Variants in CDH12 observed in about 807,000 individuals in gnomAD.
CDH12 encodes cadherin 12.
CDH12 carries 41 observed loss-of-function variants against 74.1 expected under a neutral mutation model. The ratio of observed to expected loss-of-function variants is 0.55; its 90% CI spans 0.43 to 0.72. CDH12 has a LOEUF of 0.72. CDH12 is among the 30% of genes least tolerant of loss of function. The pLI is 0.00. For missense variants in CDH12, 945 were observed against 977.2 expected (o/e 0.97, Z 0.44); for synonymous variants, 399 against 355.0 (o/e 1.12, Z -1.39).
chr5:21,861,192 AC>A (rs1269058473), intron 6 of CDH12, among the ~76,000 whole-genome samples: 1 of 151,234 alleles, frequency 6.6e-6, no homozygotes, highest in African/African-American at 2.4e-5. Flanking sequence ...GGGTTTAACT[AC>A]CCTTTCTACA....
chr5:22,268,411 G>A (rs1411022447), intron 3 of CDH12, among the ~76,000 whole-genome samples: 1 of 151,864 alleles, frequency 6.6e-6, no homozygotes, highest in Non-Finnish European at 1.5e-5. Flanking sequence ...TTTAACTCTG[G>A]TTAATAAACC....
intron 4 of CDH12, among the ~76,000 whole-genome samples, chr5:22,124,695 T>G (rs1000778668): frequency 4.6e-5 from 7 of 152,264 alleles, no homozygotes; most frequent in African/African-American, 1.7e-4. Flanking sequence ...TCCCATACTC[T>G]ATTAATCTTC....
chr5:22,457,183 G>C (rs1028995292), intron 2 of CDH12, among the ~76,000 whole-genome samples: 14 of 151,990 alleles, frequency 9.2e-5, no homozygotes, highest in Non-Finnish European at 1.5e-5. Context: ...CATTCCAAAG[G>C]TTTCATGACT....
intron 4 of CDH12, among the ~76,000 whole-genome samples, chr5:22,210,708 G>A (rs1203339198): frequency 2.0e-5 from 3 of 151,928 alleles, no homozygotes; most frequent in East Asian, 2.0e-4. Context: ...CATTGGGTCT[G>A]ATGCCACCAT....
chr5:22,176,915 C>T (rs1304773856), intron 4 of CDH12, among the ~76,000 whole-genome samples: 1 of 152,082 alleles, frequency 6.6e-6, no homozygotes, highest in East Asian at 1.9e-4. Flanking sequence ...TATCTTCATG[C>T]TTTGCCTCTT....
chr5:22,393,388 C>T (rs543749531), intron 3 of CDH12, among the ~76,000 whole-genome samples: 9 of 152,166 alleles, frequency 5.9e-5, no homozygotes, highest in East Asian at 1.9e-4. Flanking sequence ...GCTGACACTT[C>T]GATTTAAGAC....
At chr5:22,589,382 T>A (rs1331475938) in intron 1 of CDH12, among the ~76,000 whole-genome samples, 2 of 152,124 alleles carry the variant, frequency 1.3e-5, no homozygotes, top group Non-Finnish European at 2.9e-5. Flanking sequence ...AGCATAAAAA[T>A]CAATGTTTGA....
Position 22,427,567 on chromosome 5 carries a change from C to T in CDH12, c.-427-22216G>A, listed in dbSNP as rs1394009089. ...TTGCTTTCCTTTTTCTTTGTCTTTA[C>T]TCTATTTCTATAGTAAGTTCCTGCA... On this transcript the variant is annotated intron_variant, in intron 2 of 14. Transcript: ENST00000382254. Among the ~76,000 whole-genome samples, 3 of 152,150 alleles carry T rather than the reference C, an allele frequency of 2.0e-5. No individual in the cohort carries two copies. The East Asian group carries it at 5.8e-4, about 29-fold the overall frequency.
chr5:22,454,208 T>C (rs1745176473), intron 2 of CDH12, among the ~76,000 whole-genome samples: 4 of 152,232 alleles, frequency 2.6e-5, no homozygotes, highest in Admixed American at 2.6e-4. Flanking sequence ...ATTAGCTTTC[T>C]AGTTCAATTT....
chr5:22,239,060 G>T (rs761371145), intron 3 of CDH12, among the ~76,000 whole-genome samples: 5 of 152,142 alleles, frequency 3.3e-5, no homozygotes, highest in Admixed American at 6.5e-5. Flanking sequence ...TGATGGTTTT[G>T]TCTCAGCCTG....
intron 4 of CDH12, among the ~76,000 whole-genome samples, chr5:22,103,086 G>T (rs1744242598): frequency 6.6e-6 from 1 of 152,112 alleles, no homozygotes; most frequent in Admixed American, 6.6e-5. Context: ...GCAGATGCCT[G>T]CTCTGACTTT....
chr5:22,346,143 G>T (rs1740104877), intron 3 of CDH12, among the ~76,000 whole-genome samples: 1 of 149,282 alleles, frequency 6.7e-6, no homozygotes, highest in South Asian at 2.1e-4. Context: ...GGAACTAGTT[G>T]TCATGATTTT....
At chr5:22,441,710 T>G (rs1314765077) in intron 2 of CDH12, among the ~76,000 whole-genome samples, 1 of 152,184 alleles carries the variant, frequency 6.6e-6, no homozygotes, top group African/African-American at 2.4e-5. Context: ...GTTAATATTA[T>G]TATTTATTTT....
chr5:22,670,508 T>C (rs1740850115), intron 1 of CDH12, among the ~76,000 whole-genome samples: 1 of 152,160 alleles, frequency 6.6e-6, no homozygotes, highest in African/African-American at 2.4e-5. Context: ...TATTTCTATA[T>C]ATTATAATGT....
At chr5:22,441,709 A>G (rs1040226239) in intron 2 of CDH12, among the ~76,000 whole-genome samples, 2 of 152,004 alleles carry the variant, frequency 1.3e-5, no homozygotes, top group Admixed American at 6.6e-5. Context: ...TGTTAATATT[A>G]TTATTTATTT....
rs549019024 is a variant in CDH12, at chr5:22,208,275, GA to G, written c.-187+4222del. 9.3e-4 allele frequency among the ~76,000 whole-genome samples: 141 copies of G among 152,238 alleles called. 2 individuals carry two copies. Among genetic ancestry groups the G allele is most frequent in the African/African-American group, 3.2e-3 (134 of 41,544 alleles). ...GGATTAACAGGACTAAAACTACAGA[GA>G]AAAATGTGAATGTGAAAAATGGGGA... is the stretch of plus-strand genomic sequence containing the variant. On this transcript the variant is annotated intron_variant, in intron 4 of 14. Coordinates refer to ENST00000382254, the MANE Select transcript of CDH12 (RefSeq NM_004061.5).
chr5:22,277,446 C>G (rs967761376), intron 3 of CDH12, among the ~76,000 whole-genome samples: 1 of 152,118 alleles, frequency 6.6e-6, no homozygotes, highest in Non-Finnish European at 1.5e-5. Flanking sequence ...GTGGCTAGGA[C>G]AGGTCACTCT....
chr5:22,121,497 T>C (rs981907279), intron 4 of CDH12, among the ~76,000 whole-genome samples: 5 of 152,204 alleles, frequency 3.3e-5, no homozygotes, highest in Admixed American at 6.5e-5. Context: ...AAGTCTTACG[T>C]CTGATTCGGG....
intron 1 of CDH12, among the ~76,000 whole-genome samples, chr5:22,805,042 G>A (rs983485670): frequency 6.6e-6 from 1 of 152,046 alleles, no homozygotes; most frequent in African/African-American, 2.4e-5. Flanking sequence ...ACTGCTGGTG[G>A]GAATGTAAAA....
Sources: allele counts gnomAD v4.1 joint callset (sites outside exome capture counted in the v4.1 genomes callset), GRCh38; gene constraint gnomAD v4.1.1; transcripts MANE v1.5; gene names NCBI Gene and HGNC (gene_info 2026-07-23, HGNC 2026-07-21).